The following FRRS1 variants were observed in gnomAD, a reference collection of about 807,000 sequenced individuals.
The protein encoded by FRRS1 is ferric reductase 1.
Under a neutral mutation model 70.7 loss-of-function variants are expected in FRRS1, and 51 were observed. The observed-to-expected ratio is 0.72, with a 90% CI of 0.58 to 0.91. The LOEUF is 0.91. Ranked by LOEUF, FRRS1 falls within the 40% of genes least tolerant of loss-of-function variation. The probability of loss-of-function intolerance (pLI) is 0.00; values close to 1 mark genes in which losing one functional copy is unlikely to be tolerated. For synonymous variants in FRRS1, 225 were observed against 238.7 expected (o/e 0.94, Z 0.53); for missense variants, 672 against 726.0 (o/e 0.93, Z 0.86).
intron 10 of FRRS1, 27 bp from the exon 11 acceptor site, chr1:99,717,552 G>C: frequency 6.9e-7 from 1 of 1,450,510 alleles, no homozygotes; most frequent in Non-Finnish European, 9.7e-7. Flanking sequence ...TGCAATAGTA[G>C]ACAATCACAA....
chr1:99,742,556 G>A (rs183558742), intron 4 of FRRS1, among the ~76,000 whole-genome samples: 82 of 152,280 alleles, frequency 5.4e-4, no homozygotes, highest in African/African-American at 1.9e-3. Flanking sequence ...CTTGCTCATT[G>A]TTTCATGTAC....
At chr1:99,716,687 G>A (rs940818830) in intron 11 of FRRS1, among the ~76,000 whole-genome samples, 9 of 152,214 alleles carry the variant, frequency 5.9e-5, no homozygotes, top group East Asian at 3.9e-4. Flanking sequence ...AAAACTGTTC[G>A]AACAAGCAGT....
Position 99,706,758 on chromosome 1 carries a change from G to A in FRRS1, c.*2270C>T. Among the ~76,000 whole-genome samples the A allele has an allele frequency of 6.6e-6, 1 of 152,022 alleles. No individual in the cohort carries two copies. The highest frequency in any genetic ancestry group is 1.9e-4 in the East Asian group (1 of 5,172). On this transcript the variant is annotated 3_prime_UTR_variant, in exon 17 of 17. Transcript: ENST00000646001. Reference sequence around the variant, plus strand: ...AAAATATAAAAATTAGCCGAGACTGGTGGTGCACACCTGTAGTCCCAGCTA... The same window carrying A: ...AAAATATAAAAATTAGCCGAGACTGATGGTGCACACCTGTAGTCCCAGCTA...
chr1:99,742,783 A>G (rs11166319), intron 4 of FRRS1, among the ~76,000 whole-genome samples: 75,194 of 151,996 alleles, frequency 0.49, 22,607 homozygotes, highest in African/African-American at 0.85. Context: ...CTCTCTCCCA[A>G]TTCCTTCCAG....
At chr1:99,711,248 A>G in intron 14 of FRRS1, 1 of 309,038 alleles carries the variant, frequency 3.2e-6, no homozygotes, top group South Asian at 5.9e-5. Context: ...TAGTACCCAA[A>G]GGGTAGTGTT....
intron 10 of FRRS1, among the ~76,000 whole-genome samples, chr1:99,718,430 G>GA (rs1654643506): frequency 6.6e-6 from 1 of 152,180 alleles, no homozygotes; most frequent in Non-Finnish European, 1.5e-5. Context: ...CTGGGTTCAA[G>GA]AAATTCTCCT....
At chr1:99,736,594 G>A (rs1430959426) in intron 7 of FRRS1, among the ~76,000 whole-genome samples, 3 of 134,474 alleles carry the variant, frequency 2.2e-5, no homozygotes, top group Non-Finnish European at 4.6e-5. Context: ...ACAGGAAGGG[G>A]GACATCACAC....
intron 1 of FRRS1, among the ~76,000 whole-genome samples, chr1:99,761,988 T>G (rs572096490): frequency 6.6e-6 from 1 of 152,218 alleles, no homozygotes; most frequent in African/African-American, 2.4e-5. Context: ...TGTCCCCATA[T>G]GTAAAATAGG....
At position 99,710,806 on chromosome 1, in the gene FRRS1, C is replaced by T. The variant is rs1654235825; in HGVS notation, c.1624G>A (p.Val542Ile). 1 of 1,612,848 alleles carries T rather than the reference C, an allele frequency of 6.2e-7. No individual in the cohort carries two copies. Among genetic ancestry groups the T allele is most frequent in the Non-Finnish European group, 8.5e-7 (1 of 1,179,470 alleles). The change falls in exon 15 of 17, where the codon GTT becomes ATT. Residue 542 changes from valine to isoleucine, a missense_variant and splice_region_variant. Physicochemically the swap from Val to Ile is conservative, Grantham distance 29. Coordinates refer to ENST00000646001, the MANE Select transcript of FRRS1 (RefSeq NM_001361041.2). ...EVHAYRLSRKVEILDDDRIQI... is the reference protein window; with the variant it reads ...EVHAYRLSRKIEILDDDRIQI... ...TAACATGGCTTTTTTACCAGGTTAC[C>T]TTTGCGAGAGAGCCGATAAGCATGT...
In FRRS1 at chr1:99,709,030, A is replaced by G; in HGVS notation, c.1777T>C (p.Ter593ArgextTer21). 6.2e-7 allele frequency: 1 copy of G among 1,614,020 alleles called. No individual in the cohort carries two copies. Among genetic ancestry groups the G allele is most frequent in the Non-Finnish European group, 8.5e-7 (1 of 1,179,960 alleles). The change falls in exon 17 of 17, where the codon TGA becomes CGA. Residue 593 changes from the stop codon to arginine (R), a stop_lost. Transcript: ENST00000646001. ...IIFLSAINHL[*>R] is the part of the protein sequence containing the mutation. ...CAAAAGCCAAGGTCTTTGCTTGCTC[A>G]TAGATGGTTGATTGCAGATAAAAAT... is the stretch of plus-strand genomic sequence containing the variant.
At chr1:99,766,420 T>G (rs1018912932) in intron 1 of FRRS1, among the ~76,000 whole-genome samples, 187 bp downstream of exon 1, 2 of 152,210 alleles carry the variant, frequency 1.3e-5, no homozygotes, top group Non-Finnish European at 2.9e-5. Context: ...TTAACCTAAC[T>G]CGTTAGTGAA....
At chr1:99,756,422 T>G (rs1482069372) in intron 1 of FRRS1, among the ~76,000 whole-genome samples, 4 of 146,322 alleles carry the variant, frequency 2.7e-5, no homozygotes, top group Non-Finnish European at 5.9e-5. Flanking sequence ...GTTCTACATA[T>G]ATCTCACATA....
At chr1:99,759,766 G>C (rs1420510400) in intron 1 of FRRS1, among the ~76,000 whole-genome samples, 1 of 152,226 alleles carries the variant, frequency 6.6e-6, no homozygotes, top group Non-Finnish European at 1.5e-5. Flanking sequence ...TGACCCGGCA[G>C]TTAGAAACCA....
chr1:99,720,370 G>A (rs6681996), intron 9 of FRRS1, among the ~76,000 whole-genome samples: 17,655 of 151,808 alleles, frequency 0.12, 2,029 homozygotes, highest in African/African-American at 0.3. Context: ...TTCTATGCTG[G>A]CAAAAAATAA....
intron 7 of FRRS1, among the ~76,000 whole-genome samples, chr1:99,730,866 C>CAAAA (rs11407313): frequency 2.2e-5 from 2 of 88,924 alleles, no homozygotes; most frequent in African/African-American, 8.7e-5. Flanking sequence ...AACTCAGTCT[C>CAAAA]AAAAAAAAAA....
At chr1:99,761,085 G>C (rs768950614) in intron 1 of FRRS1, among the ~76,000 whole-genome samples, 64 of 151,748 alleles carry the variant, frequency 4.2e-4, no homozygotes, top group Non-Finnish European at 4.1e-4. Context: ...TCTAATCACA[G>C]CACCATCAGC....
chr1:99,726,549 GC>G (rs1441726506), intron 9 of FRRS1, among the ~76,000 whole-genome samples: 1 of 152,140 alleles, frequency 6.6e-6, no homozygotes, highest in Admixed American at 6.5e-5. Context: ...ATACCTACAT[GC>G]AAAGCCTCTG....
At chr1:99,752,522 T>C (rs755584649) in intron 1 of FRRS1, among the ~76,000 whole-genome samples, 10 of 152,322 alleles carry the variant, frequency 6.6e-5, no homozygotes, top group Admixed American at 4.6e-4. Context: ...TGCCATCTTA[T>C]ACGGGTGCAG....
At chr1:99,732,991 A>G (rs955627378) in intron 7 of FRRS1, among the ~76,000 whole-genome samples, 2 of 151,926 alleles carry the variant, frequency 1.3e-5, no homozygotes, top group Non-Finnish European at 2.9e-5. Context: ...CCACAGCTGC[A>G]TGCCACTACG....
Sources: gnomAD v4.1 joint callset for allele counts (sites outside exome capture counted in the v4.1 genomes callset) on GRCh38, gnomAD v4.1.1 for gene constraint, MANE v1.5 for transcripts, NCBI Gene and HGNC (gene_info 2026-07-23, HGNC 2026-07-21) for gene names.